Variants in MTCL3 observed in about 807,000 individuals in gnomAD.
MTCL3 encodes the protein microtubule cross-linking factor 3.
chr6:127,475,480 T>A, the MTCL3 span: 2 of 1,613,606 alleles, frequency 1.2e-6, no homozygotes, highest in Middle Eastern at 3.3e-4. This position sits in a 1 kb window ranked among gnomAD's most constrained non-coding sequence, Gnocchi z 7.3. Context: ...CAGGTCCCCG[T>A]TGGCCACGTA....
At chr6:127,515,098 C>A in the MTCL3 span, 1 of 1,484,356 alleles carries the variant, frequency 6.7e-7, no homozygotes, top group Non-Finnish European at 9.4e-7. The surrounding 1 kb of genome is among the most constrained non-coding windows in gnomAD (Gnocchi z 4.3). Flanking sequence ...TCCAGCCCTT[C>A]CGACACACAC....
chr6:127,476,250 C>T, the MTCL3 span: 1 of 1,614,192 alleles, frequency 6.2e-7, no homozygotes, highest in South Asian at 1.1e-5. The surrounding 1 kb of genome is among the most constrained non-coding windows in gnomAD (Gnocchi z 4.4). Context: ...CCTCCACCAG[C>T]CTTAGCCGTA....
chr6:127,476,958 C>T, the MTCL3 span, among the ~76,000 whole-genome samples: 1 of 152,122 alleles, frequency 6.6e-6, no homozygotes, highest in African/African-American at 2.4e-5. This position sits in a 1 kb window ranked among gnomAD's most constrained non-coding sequence, Gnocchi z 4.4. Flanking sequence ...ATTACAGTTC[C>T]TGGTTTAAAG....
chr6:127,497,347 A>T, the MTCL3 span, among the ~76,000 whole-genome samples: 1 of 152,374 alleles, frequency 6.6e-6, no homozygotes, highest in East Asian at 1.9e-4. Flanking sequence ...AAAAAGAGCT[A>T]GGTGACTAGC....
the MTCL3 span, chr6:127,475,496 G>A: frequency 1.2e-6 from 2 of 1,613,508 alleles, no homozygotes; most frequent in Non-Finnish European, 8.5e-7. The surrounding 1 kb of genome is among the most constrained non-coding windows in gnomAD (Gnocchi z 7.3). Context: ...ACGTAGATGC[G>A]CGCCTCGGTG....
the MTCL3 span, among the ~76,000 whole-genome samples, chr6:127,517,003 G>C: frequency 6.6e-6 from 1 of 152,080 alleles, no homozygotes. Context: ...TGATGGAAAG[G>C]GAGATATAAA....
chr6:127,480,589 C>A, the MTCL3 span, among the ~76,000 whole-genome samples: 1 of 152,276 alleles, frequency 6.6e-6, no homozygotes, highest in African/African-American at 2.4e-5. Flanking sequence ...AAAAAGGAGA[C>A]ATGGGAGTAT....
chr6:127,488,574 G>A, the MTCL3 span, among the ~76,000 whole-genome samples: 197 of 152,154 alleles, frequency 1.3e-3, 2 homozygotes, highest in Admixed American at 0.01. Context: ...TTTTGGAAGC[G>A]TTACTAAAAG....
chr6:127,511,932 G>A, the MTCL3 span, among the ~76,000 whole-genome samples: 1 of 152,126 alleles, frequency 6.6e-6, no homozygotes, highest in African/African-American at 2.4e-5. Context: ...TCAGTCTGTG[G>A]AAAGATTAGA....
At chr6:127,481,517 G>C in the MTCL3 span, 1 of 961,942 alleles carries the variant, frequency 1.0e-6, no homozygotes. Flanking sequence ...GTACAGAGAG[G>C]AAAAAGGAAA....
the MTCL3 span, among the ~76,000 whole-genome samples, chr6:127,497,090 A>C: frequency 6.6e-6 from 1 of 152,234 alleles, no homozygotes; most frequent in Non-Finnish European, 1.5e-5. Context: ...AATGTACTAA[A>C]ACTGATTTAT....
chr6:127,489,661 C>A, the MTCL3 span, among the ~76,000 whole-genome samples: 1 of 152,260 alleles, frequency 6.6e-6, no homozygotes, highest in African/African-American at 2.4e-5. Context: ...AAACAACCCA[C>A]AACATCCCCT....
At chr6:127,515,601 C>G in the MTCL3 span, 75 of 1,428,220 alleles carry the variant, frequency 5.3e-5, no homozygotes, top group East Asian at 1.9e-3. The surrounding 1 kb of genome is among the most constrained non-coding windows in gnomAD (Gnocchi z 4.3). Flanking sequence ...GCGGCTGCGA[C>G]GAAGGGGGCG....
chr6:127,491,502 T>G, the MTCL3 span, among the ~76,000 whole-genome samples: 6 of 152,312 alleles, frequency 3.9e-5, no homozygotes, highest in East Asian at 7.7e-4. Flanking sequence ...GGTATATACT[T>G]TTTTTAGATA....
At chr6:127,504,236 G>A in the MTCL3 span, among the ~76,000 whole-genome samples, 1 of 152,150 alleles carries the variant, frequency 6.6e-6, no homozygotes, top group Non-Finnish European at 1.5e-5. Flanking sequence ...TCACAGTCTG[G>A]TTGGTCTTGT....
the MTCL3 span, among the ~76,000 whole-genome samples, chr6:127,493,707 T>C: frequency 6.6e-6 from 1 of 152,202 alleles, no homozygotes; most frequent in Admixed American, 6.5e-5. Context: ...CTATCTCCAG[T>C]GAATGCCTAA....
the MTCL3 span, among the ~76,000 whole-genome samples, chr6:127,480,190 T>C: frequency 6.6e-6 from 1 of 152,222 alleles, no homozygotes; most frequent in African/African-American, 2.4e-5. Context: ...AGAAACTAAA[T>C]TGCATTCTAA....
At chr6:127,515,763 G>A in the MTCL3 span, 31 of 1,602,070 alleles carry the variant, frequency 1.9e-5, no homozygotes, top group Non-Finnish European at 2.6e-5. The surrounding 1 kb of genome is among the most constrained non-coding windows in gnomAD (Gnocchi z 4.3). Context: ...TACTGCTGCC[G>A]CCGCCGTTCT....
the MTCL3 span, among the ~76,000 whole-genome samples, chr6:127,509,303 G>C: frequency 6.6e-6 from 1 of 152,146 alleles, no homozygotes; most frequent in Non-Finnish European, 1.5e-5. Context: ...CTTACTCCCA[G>C]GTGCCTACTC....
Sources: gnomAD v4.1 joint callset for allele counts (sites outside exome capture counted in the v4.1 genomes callset) on GRCh38, gnomAD v4.1.1 for gene constraint, Gnocchi (gnomAD v3.1) non-coding constraint, MANE v1.5 for transcripts, NCBI Gene and HGNC (gene_info 2026-07-23, HGNC 2026-07-21) for gene names.